NECAB2: variants seen among roughly 807,000 people sequenced by gnomAD.
NECAB2 encodes the protein N-terminal EF-hand calcium-binding protein 2.
Under a neutral mutation model 51.9 loss-of-function variants are expected in NECAB2, and 68 were observed. The observed-to-expected ratio is 1.31, with a 90% CI of 1.08 to 1.60. The LOEUF is 1.60. Ranked by LOEUF, NECAB2 falls within the 40% of genes most tolerant of loss-of-function variation. The pLI, the probability that NECAB2 is intolerant of heterozygous loss-of-function variation, is 0.00. For missense variants in NECAB2, 854 were observed against 490.3 expected, an observed-to-expected ratio of 1.74 and a Z score of -7.00; for synonymous variants, 329 against 203.5, an observed-to-expected ratio of 1.62 and a Z score of -5.25.
intron 5 of NECAB2, among the ~76,000 whole-genome samples, chr16:83,989,626 C>G (rs1434646065): frequency 3.9e-5 from 6 of 152,094 alleles, no homozygotes; most frequent in Non-Finnish European, 8.8e-5. Context: ...CCAAGATCCC[C>G]CAACACAGCA....
At chr16:83,995,078 G>C (rs1036029525) in intron 8 of NECAB2, among the ~76,000 whole-genome samples, 5 of 152,334 alleles carry the variant, frequency 3.3e-5, no homozygotes, top group Admixed American at 2.6e-4. Context: ...AGAGAGACGT[G>C]ATGATTCGAG....
chr16:83,970,809 T>G (rs532894053), intron 1 of NECAB2, among the ~76,000 whole-genome samples: 1 of 152,188 alleles, frequency 6.6e-6, no homozygotes, highest in Non-Finnish European at 1.5e-5. Context: ...AAAGTGCTGG[T>G]GGGCAGGGCG....
intron 10 of NECAB2, among the ~76,000 whole-genome samples, chr16:83,999,852 G>A (rs921578833): frequency 6.6e-6 from 1 of 152,018 alleles, no homozygotes; most frequent in Admixed American, 6.6e-5. Context: ...GAAGAAGAGG[G>A]AAGATGCTTT....
chr16:83,988,194 T>G (rs4470131), intron 5 of NECAB2, among the ~76,000 whole-genome samples: 8 of 152,342 alleles, frequency 5.3e-5, no homozygotes, highest in Admixed American at 2.0e-4. Context: ...CGGGCCACCT[T>G]TTTTATTATG....
chr16:83,986,679 AT>A (rs113038465), intron 5 of NECAB2, among the ~76,000 whole-genome samples: 9,687 of 135,054 alleles, frequency 0.072, 351 homozygotes, highest in Middle Eastern at 0.12. Context: ...CTCACGGCAA[AT>A]TTTTTTTTTT....
intron 11 of NECAB2, among the ~76,000 whole-genome samples, chr16:84,001,154 G>A (rs1473140229): frequency 6.6e-6 from 1 of 152,158 alleles, no homozygotes; most frequent in African/African-American, 2.4e-5. Context: ...CAGTCCCCAT[G>A]TGATCAATTG....
chr16:83,977,939 C>T (rs1934456423), intron 2 of NECAB2, among the ~76,000 whole-genome samples: 1 of 152,152 alleles, frequency 6.6e-6, no homozygotes, highest in Non-Finnish European at 1.5e-5. Flanking sequence ...GGTGGCTCAT[C>T]CAGCTGCTGG....
intron 3 of NECAB2, 53 bp from the exon 4 acceptor site, chr16:83,980,786 C>G: frequency 6.5e-7 from 1 of 1,549,270 alleles, no homozygotes; most frequent in African/African-American, 1.4e-5. Context: ...AGGGTCAGGC[C>G]TGCTAACCCC....
intron 5 of NECAB2, among the ~76,000 whole-genome samples, chr16:83,984,060 G>A (rs1392439856): frequency 4.1e-5 from 6 of 146,198 alleles, no homozygotes; most frequent in African/African-American, 7.6e-5. Context: ...CAGTGGCACA[G>A]TCCCAGCTCA....
rs112780716 is a variant in NECAB2, at chr16:84,000,614, G to T, written c.963-110G>T. 4.5e-5 allele frequency: 35 copies of T among 782,658 alleles called. No homozygotes were observed. In the African/African-American group the frequency reaches 4.9e-4, roughly 11 times the overall value. The allele number at this position is 782,658 out of a possible 1,614,324, so 48.5% of individuals were successfully genotyped here. On this transcript the variant is annotated intron_variant, in intron 10 of 12. Transcript: ENST00000305202. Reference sequence around the variant, plus strand: ...GGAGGTCAAGACAGGAAGAAACATTGAAGGCAGCCGTTGTGTATAGTGGTG... The same window carrying T: ...GGAGGTCAAGACAGGAAGAAACATTTAAGGCAGCCGTTGTGTATAGTGGTG...
intron 1 of NECAB2, among the ~76,000 whole-genome samples, chr16:83,971,107 A>G (rs1167202271): frequency 6.7e-6 from 1 of 149,374 alleles, no homozygotes; most frequent in Non-Finnish European, 1.5e-5. Context: ...AAAAAAAAAA[A>G]TAGTGCTGGT....
At position 83,982,951 on chromosome 16, in the gene NECAB2, C is replaced by T. The variant is rs182949042; in HGVS notation, c.459+1824C>T. On this transcript the variant is annotated intron_variant, in intron 5 of 12. Coordinates refer to ENST00000305202, the MANE Select transcript of NECAB2 (RefSeq NM_019065.3). ...TGATACAATGTCGCCTCACTGCAAC[C>T]TCTGCCTCCTGGGTTTGAGTGATTC... 2.3e-4 allele frequency among the ~76,000 whole-genome samples: 35 copies of T among 151,958 alleles called. No individual in the cohort carries two copies. The East Asian group carries it at 6.6e-3, about 29-fold the overall frequency.
At chr16:84,001,978 G>A (rs999889424) in intron 12 of NECAB2, 62 bp downstream of exon 12, 10 of 1,552,620 alleles carry the variant, frequency 6.4e-6, no homozygotes, top group Admixed American at 5.4e-5. Context: ...CAAGAGCCTA[G>A]AGGCTGCCCC....
In NECAB2 at chr16:84,001,818, G is replaced by C; in HGVS notation, c.1041-7G>C. On this transcript the variant is annotated splice_polypyrimidine_tract_variant and splice_region_variant and intron_variant, in intron 11 of 12. Transcript: ENST00000305202. ...ACCCCTGACTCACACATGTCCCTGCGTCACAGGCACCTGCAGAGCCCCCTG... is the reference window on the plus strand; with the variant it reads ...ACCCCTGACTCACACATGTCCCTGCCTCACAGGCACCTGCAGAGCCCCCTG... 1 of 1,613,890 alleles carries C rather than the reference G, an allele frequency of 6.2e-7. No homozygotes were observed. The highest frequency in any genetic ancestry group is 8.5e-7 in the Non-Finnish European group (1 of 1,179,872).
chr16:83,996,991 C>T (rs1020266154), intron 8 of NECAB2, among the ~76,000 whole-genome samples: 1 of 150,590 alleles, frequency 6.6e-6, no homozygotes, highest in African/African-American at 2.5e-5. Context: ...CCTCTGGAGT[C>T]CCCCTTGCTG....
Position 83,992,377 on chromosome 16 carries a change from T to TTCC in NECAB2, c.596+1747_596+1748insTCC, listed in dbSNP as rs1555548086. Among the ~76,000 whole-genome samples, 102 of 133,114 alleles carry TTCC rather than the reference T, an allele frequency of 7.7e-4. 2 individuals carry two copies. The highest frequency in any genetic ancestry group is 3.1e-3 in the African/African-American group (96 of 31,436). 87.3% of individuals were successfully genotyped at this position (133,114 alleles called of 152,430 possible). A position where few individuals can be genotyped will look rare whatever the true frequency, so the allele number is the denominator to read the frequency against. ...ATCTCCCGGGGAACACGAGCACCCG[T>TTCC]CCCCCCGCCCACCTCCATTTGCTGT... On this transcript the variant is annotated intron_variant, in intron 6 of 12. Transcript: ENST00000305202.
At chr16:83,982,988 C>T (rs987705766) in intron 5 of NECAB2, among the ~76,000 whole-genome samples, 18 of 151,940 alleles carry the variant, frequency 1.2e-4, no homozygotes, top group Admixed American at 1.2e-3. Context: ...CCTGCCTCAG[C>T]CTCCCGAGTA....
In NECAB2 at chr16:83,998,419, G is replaced by A. The variant is rs558954127; in HGVS notation, c.962+102G>A. On this transcript the variant is annotated intron_variant, in intron 10 of 12. Coordinates refer to ENST00000305202, the MANE Select transcript of NECAB2 (RefSeq NM_019065.3). ...GGCTTTGCCCTAAGTAGTACAAGTT[G>A]CACCCCAGGGACACACACAGCTGGA... 787 of 1,064,112 alleles carry A rather than the reference G, an allele frequency of 7.4e-4. 8 individuals are homozygous for A. In the African/African-American group the frequency reaches 0.011, roughly 15 times the overall value. 65.9% of individuals were successfully genotyped at this position (1,064,112 alleles called of 1,614,324 possible).
At chr16:83,997,096 C>G (rs894429887) in intron 8 of NECAB2, 120 bp from the exon 9 acceptor site, 1 of 1,151,390 alleles carries the variant, frequency 8.7e-7, no homozygotes, top group South Asian at 1.3e-5. Flanking sequence ...TCTCCCAGCC[C>G]TGTGCAACAG....
Sources: gnomAD v4.1 joint callset for allele counts (sites outside exome capture counted in the v4.1 genomes callset) on GRCh38, gnomAD v4.1.1 for gene constraint, MANE v1.5 for transcripts, NCBI Gene and HGNC (gene_info 2026-07-23, HGNC 2026-07-21) for gene names.